SIPA1L3: variants seen among roughly 807,000 people sequenced by gnomAD.
SIPA1L3 encodes the protein signal induced proliferation associated 1 like 3.
Under a neutral mutation model 150.1 loss-of-function variants are expected in SIPA1L3, and 59 were observed. The observed-to-expected ratio is 0.39, with a 90% CI of 0.32 to 0.49. SIPA1L3 has a LOEUF of 0.49. Among genes scored for constraint, SIPA1L3 ranks in the 20% least tolerant of loss-of-function variants. The pLI, the probability that SIPA1L3 is intolerant of heterozygous loss-of-function variation, is 0.86. For synonymous variants in SIPA1L3, 1,070 were observed against 1,077.6 expected, an observed-to-expected ratio of 0.99 and a Z score of 0.14; for missense variants, 2,211 against 2,489.5, an observed-to-expected ratio of 0.89 and a Z score of 2.38.
intron 1 of SIPA1L3, among the ~76,000 whole-genome samples, chr19:37,985,642 A>G (rs1442334239): frequency 6.6e-6 from 1 of 152,244 alleles, no homozygotes; most frequent in Non-Finnish European, 1.5e-5. Flanking sequence ...GGAGCCAGTC[A>G]TGCACACAGG....
At chr19:38,144,702 CAGG>C (rs1166281729) in intron 12 of SIPA1L3, among the ~76,000 whole-genome samples, 1 of 152,194 alleles carries the variant, frequency 6.6e-6, no homozygotes, top group East Asian at 1.9e-4. Flanking sequence ...TCTGGCGTGC[CAGG>C]AGGAGTATTT....
At chr19:38,183,147 G>A (rs1196994868) in intron 16 of SIPA1L3, among the ~76,000 whole-genome samples, 1 of 152,128 alleles carries the variant, frequency 6.6e-6, no homozygotes, top group Non-Finnish European at 1.5e-5. Flanking sequence ...GGAGGGATGG[G>A]GACAGACCAT....
intron 1 of SIPA1L3, among the ~76,000 whole-genome samples, chr19:38,025,054 G>C (rs1968471050): frequency 6.6e-6 from 1 of 151,964 alleles, no homozygotes; most frequent in Admixed American, 6.6e-5. Context: ...TCACCCTCAG[G>C]TGGCAAAGAA....
At chr19:38,014,111 G>A (rs529352370) in intron 1 of SIPA1L3, among the ~76,000 whole-genome samples, 2 of 152,342 alleles carry the variant, frequency 1.3e-5, no homozygotes, top group Admixed American at 1.3e-4. Context: ...TTCACCCACT[G>A]GTCATTATTA....
chr19:38,026,964 A>G (rs1968527292), intron 1 of SIPA1L3, among the ~76,000 whole-genome samples: 2 of 152,178 alleles, frequency 1.3e-5, no homozygotes, highest in Non-Finnish European at 1.5e-5. Flanking sequence ...AAATCACTAT[A>G]GGTATTGGAC....
At chr19:37,973,088 T>C (rs1002130489) in intron 1 of SIPA1L3, among the ~76,000 whole-genome samples, 2 of 151,574 alleles carry the variant, frequency 1.3e-5, no homozygotes, top group Non-Finnish European at 2.9e-5. Context: ...AGGATAGGTA[T>C]TGGGGGACAA....
chr19:38,174,662 C>T (rs879010116), intron 15 of SIPA1L3, among the ~76,000 whole-genome samples: 1 of 151,844 alleles, frequency 6.6e-6, no homozygotes, highest in South Asian at 2.1e-4. Context: ...CCAGCCTGGC[C>T]AACATGATGA....
intron 1 of SIPA1L3, among the ~76,000 whole-genome samples, chr19:38,006,071 G>C (rs919179787): frequency 3.3e-5 from 5 of 152,168 alleles, no homozygotes; most frequent in Non-Finnish European, 5.9e-5. Flanking sequence ...TAAACAGGCG[G>C]TGAATGGTGG....
intron 1 of SIPA1L3, among the ~76,000 whole-genome samples, chr19:38,016,403 C>T (rs370919476): frequency 7.2e-4 from 109 of 152,350 alleles, no homozygotes; most frequent in African/African-American, 2.5e-3. Flanking sequence ...CTGCCATCCA[C>T]TGGTGGGTAG....
intron 2 of SIPA1L3, among the ~76,000 whole-genome samples, chr19:38,032,036 C>T (rs927398584): frequency 6.6e-6 from 1 of 152,200 alleles, no homozygotes; most frequent in Admixed American, 6.5e-5. Flanking sequence ...CAAACTTCCA[C>T]CCACTAATTT....
chr19:38,165,176 T>C (rs778909803), intron 15 of SIPA1L3, among the ~76,000 whole-genome samples: 9 of 152,214 alleles, frequency 5.9e-5, no homozygotes, highest in Non-Finnish European at 8.8e-5. Context: ...CCTCTGTCTC[T>C]TTTTTCTTTG....
chr19:38,153,891 G>C (rs998920445), intron 13 of SIPA1L3, among the ~76,000 whole-genome samples: 1 of 152,012 alleles, frequency 6.6e-6, no homozygotes, highest in Non-Finnish European at 1.5e-5. Flanking sequence ...CCGAGATCGA[G>C]TCACTGCACT....
chr19:38,100,644 T>TTATTGGG (rs1286544399), intron 5 of SIPA1L3, among the ~76,000 whole-genome samples: 2 of 152,158 alleles, frequency 1.3e-5, no homozygotes, highest in East Asian at 3.9e-4. Context: ...GCAAACATAG[T>TTATTGGG]TATTGGGAGC....
chr19:37,975,978 G>A lies in SIPA1L3; in HGVS notation c.-378-53111G>A, dbSNP rs749372239. On this transcript the variant is annotated intron_variant, in intron 1 of 21. Coordinates refer to ENST00000222345, the MANE Select transcript of SIPA1L3 (RefSeq NM_015073.3). The stretch of plus-strand genomic sequence containing the variant: ...AAATTAGTCATGCGTGGTGGCGGGC[G>A]CCAGTAATCTCAGCTACTTGGGAGG... 5.9e-5 allele frequency among the ~76,000 whole-genome samples: 9 copies of A among 152,116 alleles called. No homozygotes were observed. The South Asian group carries it at 8.3e-4, about 14-fold the overall frequency.
intron 2 of SIPA1L3, among the ~76,000 whole-genome samples, chr19:38,056,412 C>T (rs1474291620): frequency 6.6e-6 from 1 of 152,220 alleles, no homozygotes; most frequent in African/African-American, 2.4e-5. Flanking sequence ...CCCTCACCCA[C>T]TCACACCCCT....
intron 1 of SIPA1L3, among the ~76,000 whole-genome samples, chr19:38,011,969 G>A (rs1441664793): frequency 6.6e-6 from 1 of 151,992 alleles, no homozygotes; most frequent in East Asian, 1.9e-4. Context: ...GATGAGGGAA[G>A]GAGGGACAGG....
chr19:38,171,613 G>A (rs1335208074), intron 15 of SIPA1L3, among the ~76,000 whole-genome samples: 1 of 151,666 alleles, frequency 6.6e-6, no homozygotes, highest in Non-Finnish European at 1.5e-5. Flanking sequence ...GGCTGGTCTC[G>A]AACTCCTGAC....
chr19:38,043,266 G>A (rs1968967407), intron 2 of SIPA1L3, among the ~76,000 whole-genome samples: 2 of 152,136 alleles, frequency 1.3e-5, no homozygotes, highest in Non-Finnish European at 2.9e-5. Flanking sequence ...CTTGAACCTG[G>A]GAGGCGGAGG....
intron 10 of SIPA1L3, among the ~76,000 whole-genome samples, chr19:38,136,379 G>A (rs541553977): frequency 2.0e-5 from 3 of 151,770 alleles, no homozygotes; most frequent in African/African-American, 7.2e-5. Flanking sequence ...CGAGGGAGGC[G>A]GATCACCTGA....
Sources: allele counts gnomAD v4.1 joint callset (sites outside exome capture counted in the v4.1 genomes callset), GRCh38; gene constraint gnomAD v4.1.1; transcripts MANE v1.5; gene names NCBI Gene and HGNC (gene_info 2026-07-23, HGNC 2026-07-21).